PRTFDC1: variants seen among roughly 807,000 people sequenced by gnomAD.
PRTFDC1 encodes the protein phosphoribosyltransferase domain-containing protein 1.
In PRTFDC1, 38 loss-of-function variants were observed where a neutral mutation model predicts 34.6. The observed-to-expected ratio is 1.10, with a 90% CI of 0.85 to 1.44. PRTFDC1 has a LOEUF of 1.44. Ranked by LOEUF, PRTFDC1 falls within the 40% of genes most tolerant of loss-of-function variation. PRTFDC1 has a pLI of 0.00. For missense variants in PRTFDC1, 270 were observed against 283.0 expected (o/e 0.95, Z 0.33); for synonymous variants, 93 against 98.1 (o/e 0.95, Z 0.31).
At chr10:24,923,275 G>C (rs1007045583) in intron 3 of PRTFDC1, among the ~76,000 whole-genome samples, 1 of 152,236 alleles carries the variant, frequency 6.6e-6, no homozygotes, top group Non-Finnish European at 1.5e-5. Context: ...ATCCCCGTCT[G>C]ATAGCTCTGA....
In PRTFDC1 at chr10:24,952,409, G is replaced by A; in HGVS notation, c.48+119C>T. 2 of 1,189,760 alleles carry A rather than the reference G, an allele frequency of 1.7e-6. No individual in the cohort carries two copies. Among genetic ancestry groups the A allele is most frequent in the Non-Finnish European group, 2.4e-6 (2 of 826,054 alleles). The allele number at this position is 1,189,760 out of a possible 1,614,324, so 73.7% of individuals were successfully genotyped here. A position where few individuals can be genotyped will look rare whatever the true frequency, so the allele number is the denominator to read the frequency against. ...GGATGGAAGCGATCCCCGCCGGGAGGGAGAACAAAGCGGTGGCCCTCTCTC... is the reference window on the plus strand; with the variant it reads ...GGATGGAAGCGATCCCCGCCGGGAGAGAGAACAAAGCGGTGGCCCTCTCTC... On this transcript the variant is annotated intron_variant, in intron 1 of 8. Coordinates refer to ENST00000320152, the MANE Select transcript of PRTFDC1 (RefSeq NM_020200.7). This position sits in a 1 kb window ranked among gnomAD's most constrained non-coding sequence, Gnocchi z 5.1.
rs10651020 is a variant in PRTFDC1, at chr10:24,882,204, C to CAAA, written c.340-10144_340-10142dup. Reference sequence around the variant, plus strand: ...CCTGGGTGACAGAGCGGATCTGCCTCAAAAAAAAAAAAAAAGAAAAGAAAA... The same window carrying CAAA: ...CCTGGGTGACAGAGCGGATCTGCCTCAAAAAAAAAAAAAAAAAAGAAAAGAAAA... On this transcript the variant is annotated intron_variant, in intron 3 of 8. Coordinates refer to ENST00000320152, the MANE Select transcript of PRTFDC1 (RefSeq NM_020200.7). Among the ~76,000 whole-genome samples the CAAA allele has an allele frequency of 7.4e-5, 8 of 107,528 alleles. 2 individuals are homozygous for CAAA. Among genetic ancestry groups the CAAA allele is most frequent in the South Asian group, 3.5e-4 (1 of 2,890 alleles). 70.5% of individuals were successfully genotyped at this position (107,528 alleles called of 152,430 possible).
intron 3 of PRTFDC1, among the ~76,000 whole-genome samples, chr10:24,887,634 T>C (rs1033875637): frequency 4.6e-5 from 7 of 151,846 alleles, no homozygotes; most frequent in East Asian, 3.9e-4. Flanking sequence ...TGTGTCCTTA[T>C]AGCAGAATGA....
chr10:24,923,745 C>T (rs1453686149), intron 3 of PRTFDC1, among the ~76,000 whole-genome samples: 1 of 152,202 alleles, frequency 6.6e-6, no homozygotes, highest in East Asian at 1.9e-4. Flanking sequence ...TCTTCTTCTC[C>T]TCCAAAGGAT....
At chr10:24,922,522 T>C (rs1848806508) in intron 3 of PRTFDC1, among the ~76,000 whole-genome samples, 1 of 152,332 alleles carries the variant, frequency 6.6e-6, no homozygotes, top group African/African-American at 2.4e-5. Flanking sequence ...TCATGAGATC[T>C]GATGGTTTTA....
At chr10:24,934,262 G>A (rs1017386725) in intron 3 of PRTFDC1, among the ~76,000 whole-genome samples, 2 of 151,900 alleles carry the variant, frequency 1.3e-5, no homozygotes, top group African/African-American at 4.8e-5. Flanking sequence ...AGAAGAAGAA[G>A]AAGAAGAAGA....
At position 24,928,847 on chromosome 10, in the gene PRTFDC1, C is replaced by A. The variant is rs538392541; in HGVS notation, c.339+8337G>T. The stretch of plus-strand genomic sequence containing the variant: ...GGTCAGGAGATAGAGACCATCCTGA[C>A]TAACACGGTGAAACCCTGTCTCTAC... On this transcript the variant is annotated intron_variant, in intron 3 of 8. Coordinates refer to ENST00000320152, the MANE Select transcript of PRTFDC1 (RefSeq NM_020200.7). Among the ~76,000 whole-genome samples the A allele has an allele frequency of 2.5e-3, 373 of 151,708 alleles. 3 individuals are homozygous for A. Among genetic ancestry groups the A allele is most frequent in the South Asian group, 8.1e-3 (39 of 4,812 alleles).
chr10:24,867,601 T>C (rs1847801463), intron 4 of PRTFDC1: 1 of 152,182 alleles, frequency 6.6e-6, no homozygotes, highest in Non-Finnish European at 1.5e-5. Flanking sequence ...TCAGTCATGC[T>C]GGTCCACTTA....
chr10:24,927,707 G>T (rs905127983), intron 3 of PRTFDC1, among the ~76,000 whole-genome samples: 14 of 150,462 alleles, frequency 9.3e-5, no homozygotes, highest in Admixed American at 2.0e-4. Context: ...TCAGCCTCCC[G>T]AGTAGCTGGG....
At chr10:24,930,159 T>C (rs1848949703) in intron 3 of PRTFDC1, among the ~76,000 whole-genome samples, 1 of 152,070 alleles carries the variant, frequency 6.6e-6, no homozygotes, top group African/African-American at 2.4e-5. Flanking sequence ...CTCTATATGC[T>C]CAGGAGTTAG....
At chr10:24,901,196 CTT>C (rs1848444105) in intron 3 of PRTFDC1, among the ~76,000 whole-genome samples, 1 of 152,156 alleles carries the variant, frequency 6.6e-6, no homozygotes, top group African/African-American at 2.4e-5. Flanking sequence ...AGATCATGCT[CTT>C]GTTTCTTGTT....
intron 3 of PRTFDC1, among the ~76,000 whole-genome samples, chr10:24,931,642 G>A (rs1848973638): frequency 6.6e-6 from 1 of 151,770 alleles, no homozygotes; most frequent in Non-Finnish European, 1.5e-5. Flanking sequence ...CAAATGCCTT[G>A]AAAGACACAA....
rs111416108 is a variant in PRTFDC1, at chr10:24,892,802, C to G, written c.340-20739G>C. Among the ~76,000 whole-genome samples, 78 of 152,202 alleles carry G rather than the reference C, an allele frequency of 5.1e-4. 1 individual carries two copies. The highest frequency in any genetic ancestry group is 1.8e-3 in the African/African-American group (73 of 41,534). On this transcript the variant is annotated intron_variant, in intron 3 of 8. Coordinates refer to ENST00000320152, the MANE Select transcript of PRTFDC1 (RefSeq NM_020200.7). ...CAGTAGAAAACTGGCATTTTAGATTCTTATTTCTGGGGCATTAAAGACCTA... is the reference window on the plus strand; with the variant it reads ...CAGTAGAAAACTGGCATTTTAGATTGTTATTTCTGGGGCATTAAAGACCTA...
chr10:24,916,019 C>A (rs1848688931), intron 3 of PRTFDC1, among the ~76,000 whole-genome samples: 1 of 152,182 alleles, frequency 6.6e-6, no homozygotes, highest in South Asian at 2.1e-4. Flanking sequence ...CAAAACCACA[C>A]CCCTGGTTTC....
rs73606589 is a variant in PRTFDC1, at chr10:24,922,075, T to C, written c.339+15109A>G. On this transcript the variant is annotated intron_variant, in intron 3 of 8. Transcript: ENST00000320152. ...GCTTTTTCCCACCAAATCCAAATTA[T>C]TTCCTGGTAACTTTCCTAGACTTTA... Among the ~76,000 whole-genome samples, 1,256 of 152,334 alleles carry C rather than the reference T, an allele frequency of 8.2e-3. 12 individuals are homozygous for C. Among genetic ancestry groups the C allele is most frequent in the African/African-American group, 0.028 (1,181 of 41,590 alleles).
intron 3 of PRTFDC1, among the ~76,000 whole-genome samples, chr10:24,934,079 C>T (rs940601139): frequency 6.6e-6 from 1 of 152,120 alleles, no homozygotes; most frequent in Non-Finnish European, 1.5e-5. Flanking sequence ...TAAGTACACA[C>T]AAATACCTGC....
chr10:24,885,579 T>C (rs1246883913), intron 3 of PRTFDC1, among the ~76,000 whole-genome samples: 1 of 152,196 alleles, frequency 6.6e-6, no homozygotes, highest in Non-Finnish European at 1.5e-5. Context: ...CTAATTTTTT[T>C]ACTTTTGGTA....
At chr10:24,923,657 CA>C (rs1488146193) in intron 3 of PRTFDC1, among the ~76,000 whole-genome samples, 1 of 152,162 alleles carries the variant, frequency 6.6e-6, no homozygotes, top group Non-Finnish European at 1.5e-5. Flanking sequence ...TCACCAACAT[CA>C]AAGACCAAAG....
chr10:24,877,429 T>C (rs911073150), intron 3 of PRTFDC1, among the ~76,000 whole-genome samples: 1 of 152,226 alleles, frequency 6.6e-6, no homozygotes, highest in African/African-American at 2.4e-5. Flanking sequence ...TGAAGATAGA[T>C]GAACAATCCC....
Sources: gnomAD v4.1 joint callset for allele counts (sites outside exome capture counted in the v4.1 genomes callset) on GRCh38, gnomAD v4.1.1 for gene constraint, Gnocchi (gnomAD v3.1) non-coding constraint, MANE v1.5 for transcripts, NCBI Gene and HGNC (gene_info 2026-07-23, HGNC 2026-07-21) for gene names.